The following SHC2 variants were observed in gnomAD, a reference collection of about 807,000 sequenced individuals.
SHC2 encodes the protein SHC adaptor protein 2, also known as SHC-transforming protein 2.
Under a neutral mutation model 60.6 loss-of-function variants are expected in SHC2, and 62 were observed. The ratio of observed to expected loss-of-function variants is 1.02; its 90% CI spans 0.83 to 1.26. The LOEUF is 1.26. SHC2 is among the 50% of genes most tolerant of loss of function. The probability of loss-of-function intolerance (pLI) is 0.00; values close to 1 mark genes in which losing one functional copy is unlikely to be tolerated. For missense variants in SHC2, 873 were observed against 822.2 expected (o/e 1.06, Z -0.76); for synonymous variants, 375 against 372.4 (o/e 1.01, Z -0.08).
At chr19:417,960 C>T (rs1320734646) in intron 12 of SHC2, among the ~76,000 whole-genome samples, 1 of 152,136 alleles carries the variant, frequency 6.6e-6, no homozygotes, top group African/African-American at 2.4e-5. Flanking sequence ...CCACAGCCCC[C>T]TCCCCCTGCC....
intron 1 of SHC2, among the ~76,000 whole-genome samples, chr19:452,851 G>T (rs911866798): frequency 6.6e-6 from 1 of 152,206 alleles, no homozygotes; most frequent in African/African-American, 2.4e-5. Flanking sequence ...GGTCTGGGGT[G>T]GGGCTCGAGA....
intron 11 of SHC2, chr19:419,845 T>C (rs1388811210): frequency 6.6e-6 from 1 of 152,234 alleles, no homozygotes; most frequent in Non-Finnish European, 1.5e-5. Context: ...AGAGACCCTG[T>C]GTCCCACGGC....
chr19:434,378 T>A (rs1974657896), intron 8 of SHC2, among the ~76,000 whole-genome samples: 1 of 2,576 alleles, frequency 3.9e-4, no homozygotes, highest in Non-Finnish European at 7.5e-4. Flanking sequence ...GTGAGTGAGA[T>A]GATGAGTCTG....
Position 441,043 on chromosome 19 carries a change from C to T in SHC2, c.469-111G>A. The T allele has an allele frequency of 6.5e-7, 1 of 1,529,618 alleles. No individual in the cohort carries two copies. The highest frequency in any genetic ancestry group is 8.9e-7 in the Non-Finnish European group (1 of 1,120,286). The allele number at this position is 1,529,618 out of a possible 1,614,324, so 94.8% of individuals were successfully genotyped here. A position where few individuals can be genotyped will look rare whatever the true frequency, so the allele number is the denominator to read the frequency against. Reference sequence around the variant, plus strand: ...CACCACCCCTGGGGTCGAGCCCTTTCCTCTGTCCCTGGTGGCTCTGGGGCC... The same window carrying T: ...CACCACCCCTGGGGTCGAGCCCTTTTCTCTGTCCCTGGTGGCTCTGGGGCC... On this transcript the variant is annotated intron_variant, in intron 1 of 12. Transcript: ENST00000264554. The surrounding 1 kb of genome is among the most constrained non-coding windows in gnomAD (Gnocchi z 4.9).
chr19:417,839 C>A, intron 12 of SHC2, among the ~76,000 whole-genome samples: 1 of 152,154 alleles, frequency 6.6e-6, no homozygotes, highest in South Asian at 2.1e-4. Flanking sequence ...GTGGAGGCCG[C>A]GGCCGCATAG....
intron 1 of SHC2, among the ~76,000 whole-genome samples, chr19:455,571 G>T (rs1975323263): frequency 6.6e-6 from 1 of 152,250 alleles, no homozygotes; most frequent in Non-Finnish European, 1.5e-5. Flanking sequence ...CAGGATTCTG[G>T]GGGGTTCTGC....
rs12984753 is a variant in SHC2 at position 422,534 on chromosome 19, G to A, written c.1310-78C>T. ...TGCCGGGACCAGAGCTGGGAGAAACGGGTTCCCCGGGGAGTCCCTCGTGCA... is the reference window on the plus strand; with the variant it reads ...TGCCGGGACCAGAGCTGGGAGAAACAGGTTCCCCGGGGAGTCCCTCGTGCA... On this transcript the variant is annotated intron_variant, in intron 10 of 12. Transcript: ENST00000264554. This position sits in a 1 kb window ranked among gnomAD's most constrained non-coding sequence, Gnocchi z 5.0. 654,300 of 1,267,694 alleles carry A rather than the reference G, an allele frequency of 0.52. 170,232 individuals are homozygous for A. Among genetic ancestry groups the A allele is most frequent in the Non-Finnish European group, 0.53 (498,313 of 935,070 alleles). 78.5% of individuals were successfully genotyped at this position (1,267,694 alleles called of 1,614,324 possible).
In SHC2 at chr19:460,725, C is replaced by G. The variant is rs1975529804; in HGVS notation, c.272G>C (p.Cys91Ser). 1 of 984,970 alleles carries G rather than the reference C, an allele frequency of 1.0e-6. No homozygotes were observed. The highest frequency in any genetic ancestry group is 6.3e-5 in the Admixed American group (1 of 15,886). 61.0% of individuals were successfully genotyped at this position (984,970 alleles called of 1,614,324 possible). Reference sequence around the variant, plus strand: ...ACAGCGGCTGAGCGCGGGCAGGGGACAGGGCGCGGCGCAGCGGGGCTCGCA... The same window carrying G: ...ACAGCGGCTGAGCGCGGGCAGGGGAGAGGGCGCGGCGCAGCGGGGCTCGCA... Reference protein sequence around the residue: ...GACEPRCAAPCPLPALSRCRG... With the variant: ...GACEPRCAAPSPLPALSRCRG... Residue 91 changes from cysteine to serine, a missense_variant, in exon 1 of 13, where the codon TGT (cysteine) becomes TCT (serine). Coordinates refer to ENST00000264554, the MANE Select transcript of SHC2 (RefSeq NM_012435.3).
At chr19:427,492 C>T (rs1974447031) in intron 9 of SHC2, among the ~76,000 whole-genome samples, 1 of 145,238 alleles carries the variant, frequency 6.9e-6, no homozygotes, top group South Asian at 2.2e-4. Flanking sequence ...GGGAATTGCA[C>T]ACGGCACAGG....
intron 11 of SHC2, 94 bp from the exon 12 acceptor site, chr19:419,150 T>C: frequency 7.1e-7 from 1 of 1,398,776 alleles, no homozygotes; most frequent in Non-Finnish European, 9.6e-7. Context: ...GGGGAGCCCC[T>C]AGGGTGCCTG....
intron 1 of SHC2, among the ~76,000 whole-genome samples, chr19:460,146 C>T (rs1426135490): frequency 6.6e-6 from 1 of 152,236 alleles, no homozygotes; most frequent in African/African-American, 2.4e-5. Context: ...GCACCCCCAC[C>T]GCAGGCCAGC....
chr19:419,105 C>T (rs1015467123), intron 11 of SHC2, 49 bp from the exon 12 acceptor site: 58 of 1,529,488 alleles, frequency 3.8e-5, no homozygotes, highest in Non-Finnish European at 5.0e-5. Context: ...CGCCTGGACC[C>T]GTGGAGTAGG....
intron 9 of SHC2, among the ~76,000 whole-genome samples, chr19:427,019 G>A (rs1164680104): frequency 6.6e-6 from 1 of 152,202 alleles, no homozygotes; most frequent in African/African-American, 2.4e-5. Flanking sequence ...CAGGGGCAGG[G>A]AACGCTGGCG....
rs1974722603 is a variant in SHC2, at chr19:436,427, A to T, written c.779T>A (p.Met260Lys). The change falls in exon 6 of 13, where the codon ATG (methionine) becomes AAG (lysine). Residue 260 changes from methionine to lysine, a missense_variant. Met to Lys is a moderately conservative substitution (Grantham distance 95, BLOSUM62 -1). Transcript: ENST00000264554. ...ISFASGGDTD[M>K]TDYVAYVAKD... ...GGCGACGTAGGCCACGTAATCCGTCATGTCCTGGGGGCGGGGAGGGGCCAG... is the reference window on the plus strand; with the variant it reads ...GGCGACGTAGGCCACGTAATCCGTCTTGTCCTGGGGGCGGGGAGGGGCCAG... 1.9e-6 allele frequency: 3 copies of T among 1,601,852 alleles called. No individual in the cohort carries two copies. The East Asian group carries it at 6.7e-5, about 36-fold the overall frequency.
rs774636085 is a variant in SHC2, at chr19:448,082, G to A, written c.469-7150C>T. 2.6e-5 allele frequency among the ~76,000 whole-genome samples: 4 copies of A among 152,332 alleles called. No homozygotes were observed. In the South Asian group the frequency reaches 6.2e-4, roughly 24 times the overall value. On this transcript the variant is annotated intron_variant, in intron 1 of 12. Coordinates refer to ENST00000264554, the MANE Select transcript of SHC2 (RefSeq NM_012435.3). ...TGGAAACGTGCACGGCCTGGCCTGC[G>A]AGTGGCTCCCGGGGCGTGCACTGCG... is the stretch of plus-strand genomic sequence containing the variant.
chr19:444,088 G>A (rs993022806), intron 1 of SHC2, among the ~76,000 whole-genome samples: 1 of 149,090 alleles, frequency 6.7e-6, no homozygotes, highest in Non-Finnish European at 1.5e-5. Context: ...TGGATGGAGG[G>A]TGGATGGATG....
chr19:458,371 G>T (rs1600333902), intron 1 of SHC2, among the ~76,000 whole-genome samples: 1 of 141,316 alleles, frequency 7.1e-6, no homozygotes, highest in Non-Finnish European at 1.5e-5. Flanking sequence ...GGCGGAAGCG[G>T]GTCCCGGGGA....
intron 8 of SHC2, among the ~76,000 whole-genome samples, chr19:434,433 T>C (rs1057206705): frequency 3.6e-4 from 6 of 16,844 alleles, no homozygotes; most frequent in African/African-American, 1.2e-3. Context: ...TGAGACTGAG[T>C]GAGATCATGA....
intron 10 of SHC2, among the ~76,000 whole-genome samples, chr19:423,181 G>C (rs1974327336): frequency 9.5e-6 from 1 of 105,240 alleles, no homozygotes; most frequent in Admixed American, 9.2e-5. Context: ...CTGGTCCTGG[G>C]GGGTCCTCCC....
Sources: allele counts gnomAD v4.1 joint callset (sites outside exome capture counted in the v4.1 genomes callset), GRCh38; gene constraint gnomAD v4.1.1; non-coding constraint Gnocchi (gnomAD v3.1); transcripts MANE v1.5; gene names NCBI Gene and HGNC (gene_info 2026-07-23, HGNC 2026-07-21).